The following VPS13D variants were observed in gnomAD, a reference collection of about 807,000 sequenced individuals.
The protein encoded by VPS13D is intermembrane lipid transfer protein VPS13D.
Under a neutral mutation model 461.9 loss-of-function variants are expected in VPS13D, and 187 were observed. The ratio of observed to expected loss-of-function variants is 0.40; its 90% CI spans 0.36 to 0.46. The LOEUF (loss-of-function observed/expected upper bound fraction) is 0.46. Ranked by LOEUF, VPS13D falls within the 20% of genes least tolerant of loss-of-function variation. VPS13D has a pLI of 0.60. For synonymous variants in VPS13D, 1,951 were observed against 1,986.3 expected (o/e 0.98, Z 0.47); for missense variants, 4,711 against 5,364.9 (o/e 0.88, Z 3.81).
chr1:12,250,339 A>G (rs949828507), intron 6 of VPS13D, among the ~76,000 whole-genome samples: 1 of 152,162 alleles, frequency 6.6e-6, no homozygotes, highest in African/African-American at 2.4e-5. Context: ...CCCCAACAAA[A>G]GTCACTTAAT....
chr1:12,455,374 T>C (rs548663417), intron 65 of VPS13D, among the ~76,000 whole-genome samples: 3 of 152,244 alleles, frequency 2.0e-5, no homozygotes, highest in Admixed American at 6.5e-5. Flanking sequence ...CCTATGTTCT[T>C]ACCATGATAC....
At chr1:12,255,904 G>T (rs1226188224) in intron 7 of VPS13D, among the ~76,000 whole-genome samples, 3 of 145,048 alleles carry the variant, frequency 2.1e-5, no homozygotes, top group African/African-American at 7.8e-5. Context: ...AAAAAAAAAA[G>T]AAAGAAAAAA....
chr1:12,256,873 G>A (rs748858932), intron 8 of VPS13D, 114 bp from the exon 9 acceptor site: 10 of 1,123,796 alleles, frequency 8.9e-6, no homozygotes, highest in Non-Finnish European at 1.3e-5. Context: ...GTTTGCACTG[G>A]GTTTCAATTC....
At chr1:12,487,610 C>CAA (rs765536608) in intron 67 of VPS13D, among the ~76,000 whole-genome samples, 7 of 89,850 alleles carry the variant, frequency 7.8e-5, no homozygotes, top group African/African-American at 2.1e-4. Context: ...GATTCCATCT[C>CAA]AAAAAAAAAA....
At chr1:12,290,640 G>A (rs1007642966) in intron 22 of VPS13D, among the ~76,000 whole-genome samples, 3 of 151,552 alleles carry the variant, frequency 2.0e-5, no homozygotes, top group African/African-American at 4.9e-5. Context: ...GGAGAATGGC[G>A]TGAACCCGGG....
Position 12,275,837 on chromosome 1 carries a change from G to A in VPS13D, c.2249G>A (p.Arg750Lys). 2 of 1,581,954 alleles carry A rather than the reference G, an allele frequency of 1.3e-6. No individual in the cohort carries two copies. The highest frequency in any genetic ancestry group is 1.7e-6 in the Non-Finnish European group (2 of 1,166,202). The change falls in exon 19 of 70, where the codon AGG becomes AAG. Residue 750 changes from arginine (R) to lysine (K), a missense_variant. Arg to Lys is a conservative substitution (Grantham distance 26). Transcript: ENST00000620676. The stretch of plus-strand genomic sequence containing the variant: ...TTTTTATCTTCAGATAACTCCAGGA[G>A]GAAAAGTAGGGATGGGTCAGCATCT... ...LLTNTQDNSR[R>K]KSRDGSASEE... is the part of the protein sequence containing the mutation.
At chr1:12,456,633 A>G (rs1242117268) in intron 66 of VPS13D, among the ~76,000 whole-genome samples, 2 of 108,750 alleles carry the variant, frequency 1.8e-5, no homozygotes, top group Admixed American at 9.3e-5. Context: ...CAAGACTCCA[A>G]TTCAAAAAAA....
intron 1 of VPS13D, 103 bp from the exon 2 acceptor site, chr1:12,234,087 AC>A (rs1640072111): frequency 2.0e-6 from 1 of 507,232 alleles, no homozygotes; most frequent in African/African-American, 1.9e-5. Flanking sequence ...ACCCAACAAA[AC>A]ATCTGTGCTT....
At chr1:12,427,236 CATT>C (rs1260067129) in intron 65 of VPS13D, among the ~76,000 whole-genome samples, 1 of 138,906 alleles carries the variant, frequency 7.2e-6, no homozygotes, top group Non-Finnish European at 1.5e-5. Context: ...TTATTATTGT[CATT>C]ATTTTATTAT....
intron 23 of VPS13D, among the ~76,000 whole-genome samples, chr1:12,292,784 G>T (rs61421260): frequency 6.6e-6 from 1 of 152,102 alleles, no homozygotes; most frequent in Non-Finnish European, 1.5e-5. Flanking sequence ...CCAAGGTTGA[G>T]AAAAACTGTT....
intron 46 of VPS13D, 37 bp downstream of exon 46, chr1:12,349,411 C>CTTTTTTT: frequency 7.0e-7 from 1 of 1,419,788 alleles, no homozygotes; most frequent in Non-Finnish European, 9.6e-7. Flanking sequence ...TCACTTTTGC[C>CTTTTTTT]TTTTTTTTTT....
chr1:12,303,869 G>A (rs1369388230), intron 25 of VPS13D, among the ~76,000 whole-genome samples: 1 of 152,222 alleles, frequency 6.6e-6, no homozygotes, highest in Admixed American at 6.5e-5. Context: ...GCAGTTAACC[G>A]AATGAAGGTA....
In VPS13D at chr1:12,308,457, G is replaced by A. The variant is rs368253297; in HGVS notation, c.6466G>A (p.Val2156Ile). 2.7e-5 allele frequency: 44 copies of A among 1,614,084 alleles called. No individual in the cohort carries two copies. Among genetic ancestry groups the A allele is most frequent in the Admixed American group, 1.0e-4 (6 of 60,008 alleles). ...PEDHVCLLDC[V>I]VVDLQDMDIF... is the part of the protein sequence containing the mutation. ...AGACCATGTCTGCCTGCTGGATTGC[G>A]TTGTCGTGGATCTCCAGGACATGGA... Residue 2156 changes from valine to isoleucine, a missense_variant, in exon 27 of 70, where the codon GTT becomes ATT. Val to Ile is a conservative substitution (Grantham distance 29). Around this residue, in one of 3 missense-constraint regions of VPS13D, gnomAD observed 4,411 missense variants for 4,937.8 expected, o/e 0.89. Transcript: ENST00000620676.
At chr1:12,305,117 A>G (rs1285877736) in intron 26 of VPS13D, among the ~76,000 whole-genome samples, 1 of 152,226 alleles carries the variant, frequency 6.6e-6, no homozygotes, top group East Asian at 1.9e-4. Flanking sequence ...ATAAAAGAAC[A>G]CATTAAAAAA....
At chr1:12,292,528 C>T (rs1642165411) in intron 23 of VPS13D, among the ~76,000 whole-genome samples, 2 of 150,230 alleles carry the variant, frequency 1.3e-5, no homozygotes, top group South Asian at 4.2e-4. Context: ...CAACCTCTAC[C>T]TCCCAGGCTC....
At chr1:12,346,508 A>T (rs1643679823) in intron 43 of VPS13D, 97 bp from the exon 44 acceptor site, 2 of 1,271,886 alleles carry the variant, frequency 1.6e-6, no homozygotes. Context: ...AAGTATTTAC[A>T]AACACGACCC....
chr1:12,401,732 T>G (rs758491792), intron 62 of VPS13D, 28 bp downstream of exon 62: 17 of 1,580,944 alleles, frequency 1.1e-5, no homozygotes, highest in Non-Finnish European at 1.5e-5. Flanking sequence ...ATGTCTGTGT[T>G]TGGGAATTGG....
intron 7 of VPS13D, 148 bp downstream of exon 7, chr1:12,253,974 G>A: frequency 1.6e-6 from 1 of 639,852 alleles, no homozygotes; most frequent in East Asian, 2.7e-5. Context: ...AAGTGTGTTT[G>A]CTTGAGGTAC....
intron 57 of VPS13D, among the ~76,000 whole-genome samples, chr1:12,382,264 G>C (rs1355340868): frequency 1.3e-5 from 2 of 151,908 alleles, no homozygotes; most frequent in Non-Finnish European, 2.9e-5. Context: ...ACCATGCCTG[G>C]CTAATTTTTG....
Sources: allele counts gnomAD v4.1 joint callset (sites outside exome capture counted in the v4.1 genomes callset), GRCh38; gene constraint gnomAD v4.1.1; regional missense constraint gnomAD v4.1.1; transcripts MANE v1.5; gene names NCBI Gene and HGNC (gene_info 2026-07-23, HGNC 2026-07-21).